ANK2: variants seen among roughly 807,000 people sequenced by gnomAD.
ANK2 encodes the protein ankyrin-2.
ANK2 carries 83 observed loss-of-function variants against 360.5 expected under a neutral mutation model. The ratio of observed to expected loss-of-function variants is 0.23; its 90% CI spans 0.19 to 0.28. ANK2 has a LOEUF of 0.28. Ranked by LOEUF, ANK2 falls within the 10% of genes least tolerant of loss-of-function variation. The pLI is 1.00. For synonymous variants in ANK2, 1,740 were observed against 1,759.5 expected (o/e 0.99, Z 0.28); for missense variants, 4,201 against 4,795.7 (o/e 0.88, Z 3.66).
chr4:113,362,266 A>G (rs1316308098), intron 39 of ANK2, among the ~76,000 whole-genome samples: 1 of 152,112 alleles, frequency 6.6e-6, no homozygotes, highest in African/African-American at 2.4e-5. Context: ...GAGTATATCT[A>G]TAGGGCATAT....
intron 26 of ANK2, chr4:113,323,916 T>C (rs2088084900): frequency 1.3e-6 from 1 of 796,502 alleles, no homozygotes; most frequent in Non-Finnish European, 1.9e-6. Flanking sequence ...GCCAAAGAGA[T>C]AGAAAGATTG....
intron 1 of ANK2, among the ~76,000 whole-genome samples, chr4:113,058,072 C>G (rs2071056522): frequency 6.6e-6 from 1 of 152,112 alleles, no homozygotes; most frequent in Non-Finnish European, 1.5e-5. Flanking sequence ...TCTGTGCAGT[C>G]TTCTTTGTCC....
At chr4:112,718,822 A>G in the ANK2 span, among the ~76,000 whole-genome samples, 12 of 151,758 alleles carry the variant, frequency 7.9e-5, no homozygotes, top group Non-Finnish European at 1.6e-4. Flanking sequence ...TTTTTAGTAG[A>G]GACGGGGTTT....
the ANK2 span, among the ~76,000 whole-genome samples, chr4:112,762,798 C>G: frequency 7.2e-5 from 11 of 152,380 alleles, no homozygotes; most frequent in Non-Finnish European, 1.6e-4. Context: ...GCGTGAGCCA[C>G]TGCGCCCGGC....
intron 2 of ANK2, among the ~76,000 whole-genome samples, chr4:112,986,722 G>A (rs2045000805): frequency 6.6e-6 from 1 of 152,174 alleles, no homozygotes; most frequent in Non-Finnish European, 1.5e-5. Flanking sequence ...CAGTATTTTA[G>A]ATTTGTAAAA....
At chr4:112,796,465 T>TATACACAC in the ANK2 span, among the ~76,000 whole-genome samples, 15 of 150,398 alleles carry the variant, frequency 1.0e-4, no homozygotes, top group East Asian at 2.0e-4. Context: ...TCTATATATA[T>TATACACAC]ACACACACAC....
intron 2 of ANK2, among the ~76,000 whole-genome samples, chr4:112,978,243 C>T (rs1206701847): frequency 1.4e-5 from 2 of 147,422 alleles, no homozygotes; most frequent in South Asian, 4.3e-4. Context: ...GACTCTGTCT[C>T]AAGAAAAAAA....
At chr4:113,191,548 G>A (rs987538572) in intron 2 of ANK2, among the ~76,000 whole-genome samples, 2 of 152,096 alleles carry the variant, frequency 1.3e-5, no homozygotes, top group East Asian at 1.9e-4. Context: ...CTACGTAAAC[G>A]TATGTTGAAC....
intron 1 of ANK2, among the ~76,000 whole-genome samples, chr4:112,838,752 C>T (rs2061503511): frequency 6.6e-6 from 1 of 152,146 alleles, no homozygotes; most frequent in South Asian, 2.1e-4. Context: ...GCCTGTAATC[C>T]CAGCTACTCG....
rs140110851 is a variant in ANK2 at position 113,089,007 on chromosome 4, C to A, written c.84+39195C>A. Among the ~76,000 whole-genome samples, 1,169 of 152,256 alleles carry A rather than the reference C, an allele frequency of 7.7e-3. 33 individuals carry two copies. Among genetic ancestry groups the A allele is most frequent in the Admixed American group, 0.037 (565 of 15,294 alleles). On this transcript the variant is annotated intron_variant, in intron 1 of 45. Coordinates refer to ENST00000357077, the MANE Select transcript of ANK2 (RefSeq NM_001148.6). ...TGATTTAAAACCGACAATTTAAATT[C>A]TCTCATACTCCAGTGGGCCCAACTG...
At chr4:113,110,863 G>C (rs2094215070) in intron 1 of ANK2, among the ~76,000 whole-genome samples, 1 of 152,170 alleles carries the variant, frequency 6.6e-6, no homozygotes, top group South Asian at 2.1e-4. Context: ...TGGGAAACTG[G>C]AGACCTGACA....
At chr4:112,852,160 A>G (rs17045055) in intron 1 of ANK2, among the ~76,000 whole-genome samples, 7,395 of 152,316 alleles carry the variant, frequency 0.049, 434 homozygotes, top group African/African-American at 0.14. Flanking sequence ...TTTTTACAAC[A>G]TTCTCCAACA....
chr4:112,932,481 G>A (rs2093345311), intron 2 of ANK2, among the ~76,000 whole-genome samples: 1 of 132,014 alleles, frequency 7.6e-6, no homozygotes, highest in African/African-American at 2.9e-5. Flanking sequence ...GACAGAGTGA[G>A]ACTCCGTCTC....
chr4:112,958,593 G>A (rs1361567590), intron 2 of ANK2, among the ~76,000 whole-genome samples: 1 of 152,020 alleles, frequency 6.6e-6, no homozygotes, highest in Non-Finnish European at 1.5e-5. Flanking sequence ...GGAAAGAGAG[G>A]GAGAGGGAGA....
At chr4:113,017,275 A>G (rs2056884358) in intron 2 of ANK2, among the ~76,000 whole-genome samples, 1 of 152,028 alleles carries the variant, frequency 6.6e-6, no homozygotes, top group Non-Finnish European at 1.5e-5. Flanking sequence ...TTTCACTTTC[A>G]AGAAATGTGT....
intron 26 of ANK2, among the ~76,000 whole-genome samples, chr4:113,325,462 GTTAAGTGA>G: frequency 6.6e-6 from 1 of 152,132 alleles, no homozygotes; most frequent in African/African-American, 2.4e-5. Flanking sequence ...ATCTAAAGAT[GTTAAGTGA>G]CTTACCTGAG....
intron 1 of ANK2, among the ~76,000 whole-genome samples, chr4:112,865,482 C>T (rs1334803931): frequency 1.3e-5 from 2 of 152,038 alleles, no homozygotes; most frequent in African/African-American, 4.8e-5. Flanking sequence ...TATTACTATG[C>T]CATATAAAAA....
At chr4:112,796,395 C>T in the ANK2 span, among the ~76,000 whole-genome samples, 1 of 151,886 alleles carries the variant, frequency 6.6e-6, no homozygotes. Context: ...TGCACTCCAG[C>T]TTGGGCAACA....
At chr4:112,729,481 C>A in the ANK2 span, among the ~76,000 whole-genome samples, 2 of 152,016 alleles carry the variant, frequency 1.3e-5, no homozygotes, top group African/African-American at 4.8e-5. Context: ...CTGGGCCGGA[C>A]ACGATAGCTA....
Sources: allele counts gnomAD v4.1 joint callset (sites outside exome capture counted in the v4.1 genomes callset), GRCh38; gene constraint gnomAD v4.1.1; transcripts MANE v1.5; gene names NCBI Gene and HGNC (gene_info 2026-07-23, HGNC 2026-07-21).